KLHL1: variants seen among roughly 807,000 people sequenced by gnomAD.
KLHL1 encodes kelch like family member 1, also known as kelch-like protein 1.
A neutral mutation model predicts 77.7 loss-of-function variants in KLHL1; 47 were observed. The observed-to-expected ratio is 0.60, with a 90% CI of 0.48 to 0.77. KLHL1 has a LOEUF of 0.77. KLHL1 is among the 30% of genes least tolerant of loss of function. KLHL1 has a pLI of 0.00. For missense variants in KLHL1, 925 were observed against 910.8 expected (o/e 1.02, Z -0.20); for synonymous variants, 360 against 325.2 (o/e 1.11, Z -1.15).
intron 6 of KLHL1, among the ~76,000 whole-genome samples, chr13:69,809,380 C>A (rs1026788110): frequency 6.6e-6 from 1 of 152,020 alleles, no homozygotes. Flanking sequence ...TCTTACAAGC[C>A]AAAAGATATT....
At chr13:69,923,102 CT>C (rs998604474) in intron 4 of KLHL1, among the ~76,000 whole-genome samples, 24 of 152,100 alleles carry the variant, frequency 1.6e-4, no homozygotes, top group African/African-American at 5.6e-4. Flanking sequence ...GAATGAGACA[CT>C]TAACAAAGAG....
chr13:69,904,315 T>C (rs1334517095), intron 4 of KLHL1, among the ~76,000 whole-genome samples: 2 of 152,304 alleles, frequency 1.3e-5, no homozygotes, highest in Non-Finnish European at 2.9e-5. Flanking sequence ...ATAAAGATTC[T>C]CACCTTGAGA....
At chr13:69,737,993 A>C (rs1340193915) in intron 8 of KLHL1, among the ~76,000 whole-genome samples, 2 of 152,176 alleles carry the variant, frequency 1.3e-5, no homozygotes, top group Non-Finnish European at 2.9e-5. Flanking sequence ...TCAGGCTGGC[A>C]TCAGGTTGGT....
chr13:69,847,201 A>G (rs1434751423), intron 5 of KLHL1, among the ~76,000 whole-genome samples: 2 of 151,400 alleles, frequency 1.3e-5, no homozygotes, highest in African/African-American at 4.8e-5. Flanking sequence ...ACCTACTTTT[A>G]TTACATAAAT....
At chr13:69,955,067 T>G (rs1347313749) in intron 3 of KLHL1, among the ~76,000 whole-genome samples, 1 of 151,202 alleles carries the variant, frequency 6.6e-6, no homozygotes, top group Non-Finnish European at 1.5e-5. Context: ...GAATAGAATT[T>G]TCCATCTAGT....
At chr13:69,975,151 TATAAAA>T (rs1884506762) in intron 2 of KLHL1, among the ~76,000 whole-genome samples, 1 of 152,048 alleles carries the variant, frequency 6.6e-6, no homozygotes, top group Admixed American at 6.6e-5. Flanking sequence ...TTTAAATAAA[TATAAAA>T]ATGTCAATAT....
In KLHL1 at chr13:69,882,433, A is replaced by T; in HGVS notation, c.1077T>A (p.His359Gln). The change falls in exon 5 of 11, where the codon CAT becomes CAA. Residue 359 changes from histidine (H) to glutamine (Q), a missense_variant. His to Gln is a conservative substitution (Grantham distance 24, BLOSUM62 0). Coordinates refer to ENST00000377844, the MANE Select transcript of KLHL1 (RefSeq NM_020866.3). ...TGACATCATCACTGGCCAGTAGTTTATGGAGCTCCTCAGCTGGAAGGAGTA... is the reference window on the plus strand; with the variant it reads ...TGACATCATCACTGGCCAGTAGTTTTTGGAGCTCCTCAGCTGGAAGGAGTA... ...EFLLLPAEEL[H>Q]KLLASDDVNV... The T allele has an allele frequency of 6.2e-7, 1 of 1,613,904 alleles. No individual in the cohort carries two copies. The highest frequency in any genetic ancestry group is 8.5e-7 in the Non-Finnish European group (1 of 1,179,806).
intron 1 of KLHL1, among the ~76,000 whole-genome samples, chr13:70,002,934 G>A (rs1470766957): frequency 4.1e-5 from 6 of 146,236 alleles, no homozygotes; most frequent in Non-Finnish European, 5.9e-5. Context: ...ATTTTTATTA[G>A]GGAAAATAAG....
intron 4 of KLHL1, among the ~76,000 whole-genome samples, chr13:69,895,878 T>C (rs897346721): frequency 6.6e-6 from 1 of 152,042 alleles, no homozygotes; most frequent in Non-Finnish European, 1.5e-5. Context: ...GGCTAATTAT[T>C]GTATTTTTTA....
chr13:69,839,038 G>A lies in KLHL1; in HGVS notation c.1352C>T (p.Thr451Ile). Residue 451 changes from threonine (T) to isoleucine (I), a missense_variant, in exon 6 of 11, where the codon ACT becomes ATT. Coordinates refer to ENST00000377844, the MANE Select transcript of KLHL1 (RefSeq NM_020866.3). ...ERRTLMQSPR[T>I]KPRKSTVGTL... ...TCCGACTGTAGATTTTCTGGGTTTA[G>A]TTCTCGGACTTTGCATTAAAGTTCT... 6.2e-7 allele frequency: 1 copy of A among 1,611,184 alleles called. No individual in the cohort carries two copies. The highest frequency in any genetic ancestry group is 8.5e-7 in the Non-Finnish European group (1 of 1,178,380).
At chr13:69,867,464 C>A (rs1880406642) in intron 5 of KLHL1, among the ~76,000 whole-genome samples, 1 of 151,934 alleles carries the variant, frequency 6.6e-6, no homozygotes, top group South Asian at 2.1e-4. Context: ...GTCCTTTAAA[C>A]AACACTGGAA....
At chr13:70,105,829 G>C (rs1888041247) in intron 1 of KLHL1, among the ~76,000 whole-genome samples, 1 of 150,790 alleles carries the variant, frequency 6.6e-6, no homozygotes, top group Admixed American at 6.6e-5. Context: ...TGGAATGATA[G>C]ATAAACTTAT....
intron 4 of KLHL1, among the ~76,000 whole-genome samples, chr13:69,931,142 A>G (rs1032376144): frequency 6.6e-6 from 1 of 151,684 alleles, no homozygotes; most frequent in African/African-American, 2.4e-5. Context: ...ACTAATTTCC[A>G]TCTATATATA....
chr13:70,002,485 T>C (rs2137327343), intron 1 of KLHL1, among the ~76,000 whole-genome samples: 1 of 151,466 alleles, frequency 6.6e-6, no homozygotes, highest in African/African-American at 2.4e-5. Flanking sequence ...TGATCTACAG[T>C]TTTGTCATTG....
At chr13:69,908,956 T>C (rs1593939187) in intron 4 of KLHL1, among the ~76,000 whole-genome samples, 1 of 149,802 alleles carries the variant, frequency 6.7e-6, no homozygotes, top group African/African-American at 2.4e-5. Flanking sequence ...TATAATAAAA[T>C]TACTAATTTA....
chr13:70,057,660 C>T (rs1886777749), intron 1 of KLHL1, among the ~76,000 whole-genome samples: 1 of 149,376 alleles, frequency 6.7e-6, no homozygotes, highest in Admixed American at 6.6e-5. Flanking sequence ...CCTGTAGTCC[C>T]AGCTACTCGG....
At chr13:70,088,805 T>A (rs1225950438) in intron 1 of KLHL1, among the ~76,000 whole-genome samples, 1 of 152,116 alleles carries the variant, frequency 6.6e-6, no homozygotes, top group Non-Finnish European at 1.5e-5. Context: ...ACTTTTATAT[T>A]CATGTACATA....
intron 7 of KLHL1, among the ~76,000 whole-genome samples, chr13:69,795,520 C>T (rs1346607147): frequency 2.6e-5 from 4 of 152,156 alleles, no homozygotes; most frequent in African/African-American, 7.2e-5. Flanking sequence ...CTTCTCCTTA[C>T]AATCCTCATA....
At chr13:69,819,332 T>C (rs917648841) in intron 6 of KLHL1, among the ~76,000 whole-genome samples, 4 of 152,202 alleles carry the variant, frequency 2.6e-5, no homozygotes, top group African/African-American at 9.7e-5. Flanking sequence ...ATTAGAGGCA[T>C]GCATGAAACA....
Sources: allele counts gnomAD v4.1 joint callset (sites outside exome capture counted in the v4.1 genomes callset), GRCh38; gene constraint gnomAD v4.1.1; transcripts MANE v1.5; gene names NCBI Gene and HGNC (gene_info 2026-07-23, HGNC 2026-07-21).